The following DCHS1 variants were observed in gnomAD, a reference collection of about 807,000 sequenced individuals.
The protein encoded by DCHS1 is dachsous cadherin-related 1.
Under a neutral mutation model 213.9 loss-of-function variants are expected in DCHS1, and 78 were observed. The ratio of observed to expected loss-of-function variants is 0.36; its 90% CI spans 0.30 to 0.44. DCHS1 has a LOEUF of 0.44. DCHS1 is among the 20% of genes least tolerant of loss of function. The pLI is 1.00. For missense variants in DCHS1, 3,946 were observed against 4,395.9 expected, an observed-to-expected ratio of 0.90 and a Z score of 2.89; for synonymous variants, 1,828 against 1,873.7, an observed-to-expected ratio of 0.98 and a Z score of 0.63.
intron 2 of DCHS1, 70 bp from the exon 3 acceptor site, chr11:6,634,376 G>A (rs1232294906): frequency 1.3e-6 from 2 of 1,489,636 alleles, no homozygotes; most frequent in African/African-American, 2.8e-5. Flanking sequence ...GTGGCCATTA[G>A]AATGAACAAC....
chr11:6,625,988 G>A lies in DCHS1; in HGVS notation c.6663C>T (p.His2221=), dbSNP rs199804192. The change falls in exon 17 of 21, where the codon CAC becomes CAT. Residue 2221 remains histidine (H), a synonymous_variant. Transcript: ENST00000299441. The surrounding 1 kb of genome is among the most constrained non-coding windows in gnomAD (Gnocchi z 5.3). Reference sequence around the variant, plus strand: ...TGATAGTGCCTGTGGTTGGGTCTACGTGGAACAATCCACGTGCCGGCTGGG... The same window carrying A: ...TGATAGTGCCTGTGGTTGGGTCTACATGGAACAATCCACGTGCCGGCTGGG... ...AASQPARGLF[H]VDPTTGTITT... The A allele has an allele frequency of 1.1e-5, 18 of 1,613,456 alleles. No homozygotes were observed. Among genetic ancestry groups the A allele is most frequent in the East Asian group, 4.5e-5 (2 of 44,852 alleles).
chr11:6,646,997 C>T (rs1856168035), intron 1 of DCHS1, among the ~76,000 whole-genome samples: 2 of 152,066 alleles, frequency 1.3e-5, no homozygotes, highest in African/African-American at 2.4e-5. Context: ...GAAGGGGAAA[C>T]AGGCTGGGGG....
chr11:6,622,876 T>G lies in DCHS1; in HGVS notation c.8800A>C (p.Asn2934His). ...GCCACGGCCCCTACTAATAGCAGGT[T>G]GAGGTCAGGTGCCAGGCCCAGTGCG... ...HTALGLAPDL[N>H]LLLVGAVAAS... is the part of the protein sequence containing the mutation. Residue 2934 changes from asparagine (N) to histidine (H), a missense_variant, in exon 21 of 21, where the codon AAC becomes CAC. Transcript: ENST00000299441. This position sits in a 1 kb window ranked among gnomAD's most constrained non-coding sequence, Gnocchi z 5.4. 6.3e-7 allele frequency: 1 copy of G among 1,596,902 alleles called. No individual in the cohort carries two copies. Among genetic ancestry groups the G allele is most frequent in the South Asian group, 1.1e-5 (1 of 88,066 alleles).
In DCHS1 at chr11:6,641,190, C is replaced by T. The variant is rs768806695; in HGVS notation, c.424G>A (p.Ala142Thr). 54 of 1,613,510 alleles carry T rather than the reference C, an allele frequency of 3.3e-5. No homozygotes were observed. Among genetic ancestry groups the T allele is most frequent in the Non-Finnish European group, 4.3e-5 (51 of 1,179,870 alleles). The change falls in exon 2 of 21, where the codon GCC (alanine) becomes ACC (threonine). Residue 142 changes from alanine to threonine, a missense_variant. By Grantham distance (58) the Ala-to-Thr change is moderately conservative. Transcript: ENST00000299441. This position sits in a 1 kb window ranked among gnomAD's most constrained non-coding sequence, Gnocchi z 7.1. ...AGGGCAGCCCGAGCCTGTGGGAAGG[C>T]TGGAGCATGGTCGTTGATGTCAGCC... ...RVADINDHAP[A>T]FPQARAALQV...
Position 6,640,104 on chromosome 11 carries a change from T to A in DCHS1, c.1510A>T (p.Thr504Ser). The change falls in exon 2 of 21, where the codon ACC (threonine) becomes TCC (serine). Residue 504 changes from threonine to serine, a missense_variant. Thr to Ser is a moderately conservative substitution (Grantham distance 58). This residue lies in a region of DCHS1 where 3,384 missense variants were observed against 3,780.1 expected (regional missense o/e 0.90). Transcript: ENST00000299441. The surrounding 1 kb of genome is among the most constrained non-coding windows in gnomAD (Gnocchi z 6.5). ...RVTARDPDQG[T>S]NGQVTYSLAP... ...AGGCTATAAGTGACCTGACCATTGGTGCCTTGGTCAGGATCCCGAGCAGTC... is the reference window on the plus strand; with the variant it reads ...AGGCTATAAGTGACCTGACCATTGGAGCCTTGGTCAGGATCCCGAGCAGTC... 1 of 1,613,678 alleles carries A rather than the reference T, an allele frequency of 6.2e-7. No homozygotes were observed. Among genetic ancestry groups the A allele is most frequent in the East Asian group, 2.2e-5 (1 of 44,868 alleles).
Position 6,623,780 on chromosome 11 carries a change from G to C in DCHS1, c.7896C>G (p.Gly2632=). 1.2e-6 allele frequency: 2 copies of C among 1,613,996 alleles called. No homozygotes were observed. Among genetic ancestry groups the C allele is most frequent in the Non-Finnish European group, 1.7e-6 (2 of 1,179,912 alleles). ...CAGTGAAACGCACGAGGCCATGAGG[G>C]CCAGGGTCAGCGTCAGAGGCCTCTA... The part of the protein sequence containing the change: ...LHVEASDADP[G]PHGLVRFTVS... Residue 2632 remains glycine, a synonymous_variant, in exon 21 of 21, where the codon GGC becomes GGG. Transcript: ENST00000299441.
Position 6,626,086 on chromosome 11 carries a change from A to T in DCHS1, c.6577-12T>A. The T allele has an allele frequency of 6.2e-7, 1 of 1,606,260 alleles. No homozygotes were observed. Among genetic ancestry groups the T allele is most frequent in the Non-Finnish European group, 8.5e-7 (1 of 1,176,336 alleles). On this transcript the variant is annotated splice_polypyrimidine_tract_variant and intron_variant, in intron 16 of 20. Transcript: ENST00000299441. This position sits in a 1 kb window ranked among gnomAD's most constrained non-coding sequence, Gnocchi z 5.2. ...TCATCCGCCTCCACCTGGTGAGGGT[A>T]GGAGGCTGCTGGGACTGGTCTGGCC... is the stretch of plus-strand genomic sequence containing the variant.
chr11:6,629,304 C>G (rs901181993), intron 12 of DCHS1, 148 bp downstream of exon 12: 3 of 1,134,564 alleles, frequency 2.6e-6, no homozygotes, highest in South Asian at 1.7e-5. Flanking sequence ...GCCAAACTCT[C>G]GACTCCCCAA....
At chr11:6,638,631 T>C (rs74843972) in intron 2 of DCHS1, among the ~76,000 whole-genome samples, 147 of 152,322 alleles carry the variant, frequency 9.7e-4, no homozygotes, top group Non-Finnish European at 1.6e-3. Context: ...ACAGCACTCA[T>C]ACGCCACCTG....
At chr11:6,629,310 C>T in intron 12 of DCHS1, 142 bp downstream of exon 12, 1 of 1,229,030 alleles carries the variant, frequency 8.1e-7, no homozygotes, top group South Asian at 1.6e-5. Flanking sequence ...CTCTCGACTC[C>T]CCAAAAGGGT....
In DCHS1 at chr11:6,622,909, T is replaced by C; in HGVS notation, c.8767A>G (p.Thr2923Ala). Residue 2923 changes from threonine (T) to alanine (A), a missense_variant, in exon 21 of 21, where the codon ACC becomes GCC. Thr to Ala is a moderately conservative substitution (Grantham distance 58). Transcript: ENST00000299441. The surrounding 1 kb of genome is among the most constrained non-coding windows in gnomAD (Gnocchi z 5.4). ...GGTGCCAGGCCCAGTGCGGTGTGGG[T>C]GATATCCACGGTCACAGGCACTGTG... ...SATVPVTVDITHTALGLAPDL... is the reference protein window; with the variant it reads ...SATVPVTVDIAHTALGLAPDL... The C allele has an allele frequency of 5.6e-6, 9 of 1,595,670 alleles. No individual in the cohort carries two copies. Among genetic ancestry groups the C allele is most frequent in the Non-Finnish European group, 7.7e-6 (9 of 1,171,290 alleles).
rs1355572206 is a variant in DCHS1, at chr11:6,626,246, T to A, written c.6499A>T (p.Asn2167Tyr). The A allele has an allele frequency of 1.9e-5, 31 of 1,612,390 alleles. No individual in the cohort carries two copies. The highest frequency in any genetic ancestry group is 3.3e-4 in the Middle Eastern group (2 of 6,082). Residue 2167 changes from asparagine to tyrosine, a missense_variant, in exon 16 of 21, where the codon AAT becomes TAT. Asn to Tyr is a moderately radical substitution (Grantham distance 143, BLOSUM62 -2). Coordinates refer to ENST00000299441, the MANE Select transcript of DCHS1 (RefSeq NM_003737.4). The surrounding 1 kb of genome is among the most constrained non-coding windows in gnomAD (Gnocchi z 5.2). ...TGGGGCCGCAGGAAACGGGGAGCATTGTCGTTGGCATCTTGCAGGGTCAGG... is the reference window on the plus strand; with the variant it reads ...TGGGGCCGCAGGAAACGGGGAGCATAGTCGTTGGCATCTTGCAGGGTCAGG... ...LTLTLQDAND[N>Y]APRFLRPHYV...
chr11:6,636,546 T>C (rs920980712), intron 2 of DCHS1, among the ~76,000 whole-genome samples: 1 of 151,962 alleles, frequency 6.6e-6, no homozygotes, highest in African/African-American at 2.4e-5. Flanking sequence ...CACTATGTTG[T>C]CCAGGCTGGT....
In DCHS1 at chr11:6,624,151, C is replaced by T. The variant is rs1266755420; in HGVS notation, c.7525G>A (p.Ala2509Thr). Residue 2509 changes from alanine to threonine, a missense_variant, in exon 21 of 21, where the codon GCT (alanine) becomes ACT (threonine). Transcript: ENST00000299441. ...GCGGCATGGCTGCGGCTTCCATCAG[C>T]ATCTGTAGCCTCCAGGGTGAGCAGA... The part of the protein sequence containing the change: ...STLLTLEATD[A>T]DGSRSHAAVD... The T allele has an allele frequency of 1.7e-5, 28 of 1,612,240 alleles. No homozygotes were observed. Among genetic ancestry groups the T allele is most frequent in the Non-Finnish European group, 2.2e-5 (26 of 1,179,368 alleles).
intron 1 of DCHS1, among the ~76,000 whole-genome samples, chr11:6,652,950 G>C (rs966786977): frequency 2.0e-5 from 3 of 152,138 alleles, no homozygotes; most frequent in Non-Finnish European, 4.4e-5. Context: ...CAGAGTTTCT[G>C]CAACAGCCAA....
Position 6,641,755 on chromosome 11 carries a change from C to T in DCHS1, c.-120-22G>A, listed in dbSNP as rs370732165. The T allele has an allele frequency of 7.1e-4, 1,012 of 1,432,894 alleles. 2 individuals carry two copies. The highest frequency in any genetic ancestry group is 5.5e-4 in the Non-Finnish European group (598 of 1,096,486). 88.8% of individuals were successfully genotyped at this position (1,432,894 alleles called of 1,614,324 possible). A position where few individuals can be genotyped will look rare whatever the true frequency, so the allele number is the denominator to read the frequency against. On this transcript the variant is annotated intron_variant, in intron 1 of 20. Coordinates refer to ENST00000299441, the MANE Select transcript of DCHS1 (RefSeq NM_003737.4). This position sits in a 1 kb window ranked among gnomAD's most constrained non-coding sequence, Gnocchi z 7.1. ...TGACCTGGGAGAAAACAGAAGGAAACGGGTCATGACAGAGGAGGGATCAGC... is the reference window on the plus strand; with the variant it reads ...TGACCTGGGAGAAAACAGAAGGAAATGGGTCATGACAGAGGAGGGATCAGC...
chr11:6,633,174 T>G, intron 5 of DCHS1, 118 bp from the exon 6 acceptor site: 8 of 1,294,108 alleles, frequency 6.2e-6, no homozygotes, highest in Non-Finnish European at 8.5e-6. Context: ...TTCAAAATAT[T>G]AGGAGGAGGG....
chr11:6,624,983 G>T, intron 19 of DCHS1, 115 bp from the exon 20 acceptor site: 1 of 1,479,010 alleles, frequency 6.8e-7, no homozygotes, highest in Non-Finnish European at 9.2e-7. Context: ...CCAACTTGGA[G>T]CCCCTACTCC....
chr11:6,631,100 C>A lies in DCHS1; in HGVS notation c.3883G>T (p.Asp1295Tyr). The A allele has an allele frequency of 1.2e-6, 2 of 1,613,326 alleles. No homozygotes were observed. Among genetic ancestry groups the A allele is most frequent in the Non-Finnish European group, 1.7e-6 (2 of 1,179,512 alleles). Residue 1295 changes from aspartate to tyrosine, a missense_variant, in exon 9 of 21, where the codon GAC becomes TAC. Physicochemically the swap from Asp to Tyr is radical, Grantham distance 160. This residue lies in a region of DCHS1 where 3,384 missense variants were observed against 3,780.1 expected (regional missense o/e 0.90). Coordinates refer to ENST00000299441, the MANE Select transcript of DCHS1 (RefSeq NM_003737.4). ...GCACTTCGAGGAGGGCTGCCTTGGTCATGAGCACTCAGTGTCAGCACATAG... is the reference window on the plus strand; with the variant it reads ...GCACTTCGAGGAGGGCTGCCTTGGTAATGAGCACTCAGTGTCAGCACATAG... ...PHYVLTLSAHDQGSPPRSASL... is the reference protein window; with the variant it reads ...PHYVLTLSAHYQGSPPRSASL...
Sources: allele counts gnomAD v4.1 joint callset (sites outside exome capture counted in the v4.1 genomes callset), GRCh38; gene constraint gnomAD v4.1.1; regional missense constraint gnomAD v4.1.1; non-coding constraint Gnocchi (gnomAD v3.1); transcripts MANE v1.5; gene names NCBI Gene and HGNC (gene_info 2026-07-23, HGNC 2026-07-21).